ROBO2: variants seen among roughly 807,000 people sequenced by gnomAD.
ROBO2 encodes roundabout homolog 2.
A neutral mutation model predicts 160.8 loss-of-function variants in ROBO2; 53 were observed. That is an observed-to-expected ratio of 0.33 (90% CI 0.26 to 0.41). The LOEUF (loss-of-function observed/expected upper bound fraction) is 0.41. ROBO2 is among the 10% of genes least tolerant of loss of function. The pLI, the probability that ROBO2 is intolerant of heterozygous loss-of-function variation, is 1.00. For missense variants in ROBO2, 1,577 were observed against 1,722.4 expected (o/e 0.92, Z 1.49); for synonymous variants, 664 against 611.7 (o/e 1.09, Z -1.26).
intron 2 of ROBO2, among the ~76,000 whole-genome samples, chr3:76,511,938 G>A (rs1318377125): frequency 6.6e-6 from 1 of 152,130 alleles, no homozygotes; most frequent in Non-Finnish European, 1.5e-5. Context: ...AAATGGTTGT[G>A]AATCAAGTTG....
chr3:77,264,648 A>G (rs369950243), intron 2 of ROBO2, among the ~76,000 whole-genome samples: 2 of 152,192 alleles, frequency 1.3e-5, no homozygotes, highest in African/African-American at 4.8e-5. Context: ...TTTTGATATG[A>G]TCTTCCATCA....
At position 76,313,445 on chromosome 3, in the gene ROBO2, C is replaced by A. The variant is rs940450717; in HGVS notation, c.109+375843C>A. Among the ~76,000 whole-genome samples, 3 of 152,082 alleles carry A rather than the reference C, an allele frequency of 2.0e-5. No individual in the cohort carries two copies. In the East Asian group the frequency reaches 5.8e-4, roughly 29 times the overall value. On this transcript the variant is annotated intron_variant, in intron 2 of 26. Transcript: ENST00000487694. ...TTTTACAATTTGTTCAACATTATTT[C>A]CCTTTTCACAATGTAAGGATCTTCA...
intron 4 of ROBO2, among the ~76,000 whole-genome samples, chr3:77,487,363 A>G (rs561998896): frequency 6.6e-6 from 1 of 152,166 alleles, no homozygotes; most frequent in Non-Finnish European, 1.5e-5. Flanking sequence ...TCATGTTATC[A>G]GCAATAACAT....
intron 2 of ROBO2, among the ~76,000 whole-genome samples, chr3:76,100,761 G>A (rs567563261): frequency 6.6e-6 from 1 of 152,234 alleles, no homozygotes; most frequent in East Asian, 1.9e-4. Flanking sequence ...AGAAAGATAA[G>A]AGCAAATTGC....
At chr3:77,519,769 G>T (rs752662146) in intron 5 of ROBO2, among the ~76,000 whole-genome samples, 45 of 151,170 alleles carry the variant, frequency 3.0e-4, no homozygotes, top group Non-Finnish European at 5.8e-4. Context: ...TTGGTAAAAC[G>T]ATTTATTTTC....
At chr3:77,646,082 C>A in exon 26 of ROBO2, 2 of 1,582,300 alleles carry the variant, frequency 1.3e-6, no homozygotes, top group South Asian at 1.1e-5. Context: ...TACAAAGCTG[C>A]TCTGAAGGAC....
At chr3:77,464,230 C>T (rs1428012133) in intron 2 of ROBO2, among the ~76,000 whole-genome samples, 4 of 152,158 alleles carry the variant, frequency 2.6e-5, no homozygotes, top group Non-Finnish European at 4.4e-5. Context: ...CAGAGACAAC[C>T]GAGGCCATCT....
At chr3:77,301,270 T>C (rs1221979802) in intron 2 of ROBO2, among the ~76,000 whole-genome samples, 1 of 152,056 alleles carries the variant, frequency 6.6e-6, no homozygotes, top group Non-Finnish European at 1.5e-5. Flanking sequence ...TTTTAAAGAG[T>C]CCAATTTCCT....
chr3:76,103,469 TAC>T (rs1170967001), intron 2 of ROBO2, among the ~76,000 whole-genome samples: 2 of 152,206 alleles, frequency 1.3e-5, no homozygotes, highest in Admixed American at 6.5e-5. Context: ...CTGCTCACAA[TAC>T]ACAGCTCTTA....
At chr3:76,137,344 G>A (rs967013151) in intron 2 of ROBO2, among the ~76,000 whole-genome samples, 3 of 151,852 alleles carry the variant, frequency 2.0e-5, no homozygotes, top group Admixed American at 6.6e-5. Context: ...CTTGGTTGCC[G>A]AAAACGTCCA....
chr3:76,352,827 A>AT (rs2108301016), intron 2 of ROBO2, among the ~76,000 whole-genome samples: 1 of 152,130 alleles, frequency 6.6e-6, no homozygotes, highest in Non-Finnish European at 1.5e-5. Context: ...CTGCTCACTA[A>AT]TTGGCCTACC....
intron 2 of ROBO2, among the ~76,000 whole-genome samples, chr3:76,994,329 T>C (rs748515220): frequency 1.2e-4 from 19 of 152,180 alleles, no homozygotes; most frequent in Non-Finnish European, 2.5e-4. Flanking sequence ...ACTTGATTAT[T>C]TCTAATGCTG....
chr3:77,406,837 A>G (rs1269117139), intron 2 of ROBO2, among the ~76,000 whole-genome samples: 1 of 152,140 alleles, frequency 6.6e-6, no homozygotes, highest in Non-Finnish European at 1.5e-5. Flanking sequence ...CTTTGTAGCA[A>G]TGTGAGGCTT....
intron 2 of ROBO2, among the ~76,000 whole-genome samples, chr3:77,473,689 C>A (rs771263404): frequency 6.6e-6 from 1 of 152,076 alleles, no homozygotes; most frequent in African/African-American, 2.4e-5. Flanking sequence ...GTCTCCTGAC[C>A]TCGTGATCCA....
intron 2 of ROBO2, among the ~76,000 whole-genome samples, chr3:77,446,741 A>C (rs545890097): frequency 6.6e-6 from 1 of 152,064 alleles, no homozygotes; most frequent in Non-Finnish European, 1.5e-5. Flanking sequence ...ACACCAATAC[A>C]CAAAACTATT....
At chr3:76,415,443 G>C (rs2075716535) in intron 2 of ROBO2, among the ~76,000 whole-genome samples, 1 of 152,160 alleles carries the variant, frequency 6.6e-6, no homozygotes, top group African/African-American at 2.4e-5. Flanking sequence ...ATTGCATGGT[G>C]ACATAGCTCA....
At chr3:77,478,695 T>C (rs1442435464) in intron 3 of ROBO2, among the ~76,000 whole-genome samples, 1 of 152,214 alleles carries the variant, frequency 6.6e-6, no homozygotes, top group Non-Finnish European at 1.5e-5. Context: ...ACTGAATAAA[T>C]GTGCCATTTT....
At chr3:77,162,759 G>C (rs1336536533) in intron 2 of ROBO2, among the ~76,000 whole-genome samples, 1 of 152,174 alleles carries the variant, frequency 6.6e-6, no homozygotes, top group Non-Finnish European at 1.5e-5. Context: ...GCGTTAGGGA[G>C]ATCAGCACTA....
At chr3:77,557,834 A>C in intron 8 of ROBO2, 110 bp from the exon 10 acceptor site, 1 of 819,114 alleles carries the variant, frequency 1.2e-6, no homozygotes, top group Non-Finnish European at 2.1e-6. Flanking sequence ...AGAATAAGTT[A>C]TAAGTAATAT....
Sources: allele counts gnomAD v4.1 joint callset (sites outside exome capture counted in the v4.1 genomes callset), GRCh38; gene constraint gnomAD v4.1.1; transcripts MANE v1.5; gene names NCBI Gene and HGNC (gene_info 2026-07-23, HGNC 2026-07-21).